EXOC4: variants seen among roughly 807,000 people sequenced by gnomAD.
EXOC4 encodes the protein exocyst complex component 4, also known as SEC8-like 1.
A neutral mutation model predicts 107.2 loss-of-function variants in EXOC4; 71 were observed. The observed-to-expected ratio is 0.66, with a 90% CI of 0.55 to 0.81. The LOEUF (loss-of-function observed/expected upper bound fraction) is 0.81, where lower values mean the gene tolerates loss of function less well. EXOC4 is among the 30% of genes least tolerant of loss of function. The pLI, the probability that EXOC4 is intolerant of heterozygous loss-of-function variation, is 0.00. For missense variants in EXOC4, 1,108 were observed against 1,189.6 expected, an observed-to-expected ratio of 0.93 and a Z score of 1.01; for synonymous variants, 456 against 441.2, an observed-to-expected ratio of 1.03 and a Z score of -0.42.
At chr7:133,471,099 T>G (rs1798864473) in intron 7 of EXOC4, among the ~76,000 whole-genome samples, 1 of 152,170 alleles carries the variant, frequency 6.6e-6, no homozygotes, top group Non-Finnish European at 1.5e-5. Flanking sequence ...AAATAAAGGC[T>G]TTTTTGTTCT....
Position 134,018,415 on chromosome 7 carries a change from T to C in EXOC4, c.2687+10580T>C, listed in dbSNP as rs181603590. On this transcript the variant is annotated intron_variant, in intron 17 of 17. Transcript: ENST00000253861. ...GCCCCTCCCTTTACCTGCTTTATCATATACAGGAAGAAAGCCCTTCTCTTC... is the reference window on the plus strand; with the variant it reads ...GCCCCTCCCTTTACCTGCTTTATCACATACAGGAAGAAAGCCCTTCTCTTC... Among the ~76,000 whole-genome samples the C allele has an allele frequency of 4.2e-3, 641 of 152,296 alleles. 5 individuals are homozygous for C. Among genetic ancestry groups the C allele is most frequent in the African/African-American group, 0.014 (577 of 41,562 alleles).
intron 17 of EXOC4, among the ~76,000 whole-genome samples, chr7:134,037,831 A>T (rs1282447248): frequency 6.6e-6 from 1 of 152,164 alleles, no homozygotes; most frequent in African/African-American, 2.4e-5. Context: ...TTTCCCAGTG[A>T]TGTCCCAGGA....
intron 10 of EXOC4, chr7:133,768,355 A>G (rs535146673): frequency 2.6e-4 from 40 of 152,038 alleles, no homozygotes; most frequent in African/African-American, 9.4e-4. Context: ...TCCATCTTGA[A>G]GTCTTTATTG....
At chr7:133,833,374 A>G (rs1198413117) in intron 11 of EXOC4, among the ~76,000 whole-genome samples, 1 of 152,060 alleles carries the variant, frequency 6.6e-6, no homozygotes, top group Non-Finnish European at 1.5e-5. Flanking sequence ...TTTTTCTGGG[A>G]TTTGGGGTTC....
chr7:133,452,739 G>A (rs932998984), intron 7 of EXOC4, among the ~76,000 whole-genome samples: 6 of 151,914 alleles, frequency 3.9e-5, no homozygotes, highest in African/African-American at 9.7e-5. Flanking sequence ...GTGCTTAGCA[G>A]TGATGACAGA....
intron 10 of EXOC4, among the ~76,000 whole-genome samples, chr7:133,693,957 AC>A (rs1794476088): frequency 6.6e-6 from 1 of 152,112 alleles, no homozygotes; most frequent in South Asian, 2.1e-4. Flanking sequence ...CCCTGGATGA[AC>A]ATCTCTTAAG....
chr7:133,388,462 C>A (rs1209779461), intron 7 of EXOC4, among the ~76,000 whole-genome samples: 1 of 151,982 alleles, frequency 6.6e-6, no homozygotes, highest in Non-Finnish European at 1.5e-5. Flanking sequence ...CCATCCTGGC[C>A]AATGTGGTGA....
intron 7 of EXOC4, among the ~76,000 whole-genome samples, chr7:133,452,675 A>G (rs1798374673): frequency 6.6e-6 from 1 of 151,454 alleles, no homozygotes; most frequent in African/African-American, 2.4e-5. Flanking sequence ...ATTCTCTACT[A>G]TTATGGATTG....
At chr7:133,429,316 A>G (rs1797799997) in intron 7 of EXOC4, among the ~76,000 whole-genome samples, 1 of 152,190 alleles carries the variant, frequency 6.6e-6, no homozygotes, top group Non-Finnish European at 1.5e-5. Flanking sequence ...TAAACATTTC[A>G]CTAGCAAATC....
intron 7 of EXOC4, among the ~76,000 whole-genome samples, chr7:133,419,943 C>A (rs1033633869): frequency 6.7e-6 from 1 of 149,666 alleles, no homozygotes; most frequent in Middle Eastern, 3.5e-3. Context: ...AGAGGCTCAA[C>A]TGAGGAAGAG....
chr7:134,078,099 T>G, the EXOC4 span, among the ~76,000 whole-genome samples: 20 of 152,256 alleles, frequency 1.3e-4, no homozygotes, highest in African/African-American at 4.8e-4. Context: ...TTTAATTTGA[T>G]TTTTCTTTAA....
At chr7:133,739,544 A>G (rs1795519410) in intron 10 of EXOC4, among the ~76,000 whole-genome samples, 1 of 152,208 alleles carries the variant, frequency 6.6e-6, no homozygotes, top group Non-Finnish European at 1.5e-5. Context: ...TGGCTTACAC[A>G]TCAGTGAAGC....
intron 2 of EXOC4, among the ~76,000 whole-genome samples, chr7:133,281,199 T>G (rs1047115135): frequency 6.6e-6 from 1 of 152,016 alleles, no homozygotes; most frequent in East Asian, 1.9e-4. Flanking sequence ...GAACAATGAG[T>G]GGTATTTCCA....
intron 10 of EXOC4, among the ~76,000 whole-genome samples, chr7:133,712,211 G>A (rs977386536): frequency 2.6e-5 from 4 of 151,954 alleles, no homozygotes; most frequent in Non-Finnish European, 5.9e-5. Context: ...AGGCCGAGGT[G>A]GGCAAATCAC....
At chr7:133,857,181 TATATATATATATATATATA>T (rs1798407798) in intron 11 of EXOC4, among the ~76,000 whole-genome samples, 3 of 18,694 alleles carry the variant, frequency 1.6e-4, no homozygotes, top group African/African-American at 3.2e-4. Flanking sequence ...TATATATATA[TATATATATATATATATATA>T]TTTTACCTCT....
chr7:133,895,704 G>A lies in EXOC4; in HGVS notation c.1840G>A (p.Glu614Lys). Residue 614 changes from glutamate (E) to lysine (K), a missense_variant, in exon 12 of 18, where the codon GAG becomes AAG. Coordinates refer to ENST00000253861, the MANE Select transcript of EXOC4 (RefSeq NM_021807.4). ...FLNMVCVKLQ[E>K]YKDTCTAAYR... ...CAACATGGTGTGCGTGAAGCTCCAG[G>A]AGTACAAGGACACCTGCACTGCAGC... 4 of 1,614,122 alleles carry A rather than the reference G, an allele frequency of 2.5e-6. No homozygotes were observed. The highest frequency in any genetic ancestry group is 3.4e-6 in the Non-Finnish European group (4 of 1,180,010).
intron 11 of EXOC4, among the ~76,000 whole-genome samples, chr7:133,857,905 C>T (rs1240543424): frequency 6.6e-6 from 1 of 152,148 alleles, no homozygotes; most frequent in Admixed American, 6.5e-5. Context: ...TTCAGTCCCA[C>T]CGCCTCACTC....
At chr7:133,493,748 T>C (rs963638128) in intron 9 of EXOC4, among the ~76,000 whole-genome samples, 8 of 152,190 alleles carry the variant, frequency 5.3e-5, no homozygotes, top group Non-Finnish European at 8.8e-5. Context: ...AATCTTGTAA[T>C]GTTAAGTGAC....
intron 14 of EXOC4, among the ~76,000 whole-genome samples, chr7:133,977,584 G>A (rs1793868343): frequency 6.6e-6 from 1 of 152,188 alleles, no homozygotes; most frequent in African/African-American, 2.4e-5. Flanking sequence ...AGTGCAGTAG[G>A]AACTTGTTTG....
Sources: allele counts gnomAD v4.1 joint callset (sites outside exome capture counted in the v4.1 genomes callset), GRCh38; gene constraint gnomAD v4.1.1; transcripts MANE v1.5; gene names NCBI Gene and HGNC (gene_info 2026-07-23, HGNC 2026-07-21).